CHN2: variants seen among roughly 807,000 people sequenced by gnomAD.
CHN2 encodes beta-chimaerin.
In CHN2, 35 loss-of-function variants were observed where a neutral mutation model predicts 56.3. The observed-to-expected ratio is 0.62, with a 90% CI of 0.47 to 0.82. The LOEUF is 0.82. Ranked by LOEUF, CHN2 falls within the 40% of genes least tolerant of loss-of-function variation. The pLI is 0.00. For synonymous variants in CHN2, 210 were observed against 212.8 expected (o/e 0.99, Z 0.12); for missense variants, 491 against 580.5 (o/e 0.85, Z 1.58).
chr7:29,499,991 T>C lies in CHN2; in HGVS notation c.864T>C (p.Thr288=), dbSNP rs779026773. The change falls in exon 9 of 13, where the codon ACT becomes ACC. Residue 288 remains threonine (T), a synonymous_variant. Coordinates refer to ENST00000222792, the MANE Select transcript of CHN2 (RefSeq NM_004067.4). ...CAACACTTGTGAAGGCTCACAACAC[T>C]CAGAGACCCATGGTGGTAGACATAT... ...DLTTLVKAHN[T]QRPMVVDICI... is the part of the protein sequence containing the mutation. The C allele has an allele frequency of 6.9e-6, 11 of 1,600,638 alleles. No homozygotes were observed. The Admixed American group carries it at 7.0e-5, about 10-fold the overall frequency.
intron 1 of CHN2, among the ~76,000 whole-genome samples, chr7:29,304,206 C>T (rs1325899323): frequency 6.6e-6 from 1 of 152,188 alleles, no homozygotes; most frequent in Non-Finnish European, 1.5e-5. Flanking sequence ...TTCAACCCCA[C>T]GGTTTAGTAG....
At chr7:29,419,579 A>G (rs78780105) in intron 6 of CHN2, among the ~76,000 whole-genome samples, 3 of 152,208 alleles carry the variant, frequency 2.0e-5, no homozygotes, top group Non-Finnish European at 4.4e-5. Context: ...TGCAAATCAT[A>G]TATCTAATAA....
chr7:29,200,442 TTCCC>T (rs1784066156), intron 1 of CHN2, among the ~76,000 whole-genome samples: 1 of 137,636 alleles, frequency 7.3e-6, no homozygotes, highest in Admixed American at 7.2e-5. Context: ...CCTTCCTTCC[TTCCC>T]TCCCTTCGCC....
chr7:29,425,930 G>T (rs939002798), intron 6 of CHN2, among the ~76,000 whole-genome samples: 5 of 152,110 alleles, frequency 3.3e-5, no homozygotes, highest in African/African-American at 1.2e-4. Flanking sequence ...TGGACTGTGG[G>T]CCGGGTGTGG....
intron 2 of CHN2, among the ~76,000 whole-genome samples, chr7:29,186,065 A>G (rs1798670130): frequency 6.6e-6 from 1 of 152,172 alleles, no homozygotes; most frequent in Non-Finnish European, 1.5e-5. Flanking sequence ...ACTCTGAGCA[A>G]CTGGAAGTTG....
chr7:29,188,775 A>C (rs1055806795), intron 2 of CHN2, among the ~76,000 whole-genome samples: 4 of 151,976 alleles, frequency 2.6e-5, no homozygotes, highest in African/African-American at 9.7e-5. Context: ...AACAACAACA[A>C]AACTGCTGAA....
intron 1 of CHN2, among the ~76,000 whole-genome samples, chr7:29,256,703 T>A (rs1157907499): frequency 1.3e-5 from 2 of 152,196 alleles, no homozygotes; most frequent in Non-Finnish European, 2.9e-5. Context: ...CTGGCACAGG[T>A]GATCTCGATG....
Position 29,164,376 on chromosome 7 carries a change from A to T in CHN2, c.274+17416A>T, listed in dbSNP as rs546318521. 4.6e-5 allele frequency among the ~76,000 whole-genome samples: 7 copies of T among 152,292 alleles called. No individual in the cohort carries two copies. In the South Asian group the frequency reaches 1.5e-3, roughly 32 times the overall value. On this transcript the variant is annotated intron_variant, in intron 2 of 6. Coordinates refer to the CHN2 transcript ENST00000439384. ...TTATTAAGTTGTAAGGGTTTATTTT[A>T]TATAAAATGCAAACCCTTCATAAAA... is the stretch of plus-strand genomic sequence containing the variant.
chr7:29,398,668 C>G (rs1420659850), intron 5 of CHN2, among the ~76,000 whole-genome samples, 182 bp downstream of exon 5: 1 of 152,088 alleles, frequency 6.6e-6, no homozygotes, highest in South Asian at 2.1e-4. Context: ...ACAATCATGG[C>G]TCACTGCAGC....
At chr7:29,341,400 G>A (rs1246324046) in intron 1 of CHN2, among the ~76,000 whole-genome samples, 2 of 152,186 alleles carry the variant, frequency 1.3e-5, no homozygotes, top group Non-Finnish European at 2.9e-5. Context: ...TGTTATGGAT[G>A]GTGCCAGTTG....
At chr7:29,386,162 C>G (rs1800898146) in intron 3 of CHN2, among the ~76,000 whole-genome samples, 1 of 152,164 alleles carries the variant, frequency 6.6e-6, no homozygotes, top group South Asian at 2.1e-4. Flanking sequence ...TTAGAGTCTG[C>G]TCAATTTTCA....
chr7:29,501,369 G>A (rs1027753078), intron 9 of CHN2, among the ~76,000 whole-genome samples: 1 of 152,150 alleles, frequency 6.6e-6, no homozygotes, highest in African/African-American at 2.4e-5. Context: ...AAGAGGAAAG[G>A]AGGGATTCCC....
chr7:29,425,700 A>G (rs774285905), intron 6 of CHN2, among the ~76,000 whole-genome samples: 50 of 152,164 alleles, frequency 3.3e-4, no homozygotes, highest in Non-Finnish European at 4.7e-4. Flanking sequence ...TAAGGAGGCT[A>G]TGATTTTTTT....
chr7:29,498,292 T>C (rs1354412664), intron 8 of CHN2, among the ~76,000 whole-genome samples: 2 of 152,268 alleles, frequency 1.3e-5, no homozygotes, highest in African/African-American at 4.8e-5. Flanking sequence ...GGTGCTATTA[T>C]GATCTTCTAT....
intron 3 of CHN2, among the ~76,000 whole-genome samples, chr7:29,374,309 A>G (rs1799853587): frequency 6.6e-6 from 1 of 152,136 alleles, no homozygotes; most frequent in Non-Finnish European, 1.5e-5. Flanking sequence ...AGTACAGGGG[A>G]AAAATCTAGT....
intron 1 of CHN2, among the ~76,000 whole-genome samples, chr7:29,245,259 G>A (rs972771850): frequency 5.9e-5 from 9 of 152,200 alleles, no homozygotes; most frequent in Admixed American, 6.5e-5. Flanking sequence ...TAGGATCTGT[G>A]TTTCAAGCAT....
intron 1 of CHN2, among the ~76,000 whole-genome samples, chr7:29,308,873 T>G (rs1221286724): frequency 6.6e-6 from 1 of 152,228 alleles, no homozygotes; most frequent in Non-Finnish European, 1.5e-5. Context: ...ACTCAATAAT[T>G]TTTTGGCTTC....
intron 3 of CHN2, among the ~76,000 whole-genome samples, chr7:29,385,448 A>AC (rs1800842991): frequency 6.6e-6 from 1 of 152,094 alleles, no homozygotes; most frequent in African/African-American, 2.4e-5. Flanking sequence ...CCTGGATTCT[A>AC]CCCACTAGAG....
chr7:29,187,031 G>A (rs1030351851), intron 2 of CHN2, among the ~76,000 whole-genome samples: 3 of 152,128 alleles, frequency 2.0e-5, no homozygotes. Flanking sequence ...ATATGACAAT[G>A]TATACAAAGT....
Sources: gnomAD v4.1 joint callset for allele counts (sites outside exome capture counted in the v4.1 genomes callset) on GRCh38, gnomAD v4.1.1 for gene constraint, MANE v1.5 for transcripts, NCBI Gene and HGNC (gene_info 2026-07-23, HGNC 2026-07-21) for gene names.